PELP1: variants seen among roughly 807,000 people sequenced by gnomAD.
PELP1 encodes the protein proline-, glutamic acid- and leucine-rich protein 1.
Under a neutral mutation model 95.5 loss-of-function variants are expected in PELP1, and 32 were observed. The ratio of observed to expected loss-of-function variants is 0.34; its 90% CI spans 0.25 to 0.45. PELP1 has a LOEUF of 0.45. Among genes scored for constraint, PELP1 ranks in the 20% least tolerant of loss-of-function variants. The pLI is 1.00. For synonymous variants in PELP1, 668 were observed against 600.1 expected (o/e 1.11, Z -1.65); for missense variants, 1,358 against 1,444.8 (o/e 0.94, Z 0.97).
At chr17:4,678,763 T>C (rs1021818392) in intron 5 of PELP1, among the ~76,000 whole-genome samples, 3 of 152,226 alleles carry the variant, frequency 2.0e-5, no homozygotes, top group Non-Finnish European at 4.4e-5. Context: ...ATTGACCTCA[T>C]GGACTCAGAA....
At chr17:4,702,402 G>C (rs772039521) in intron 1 of PELP1, among the ~76,000 whole-genome samples, 12 of 152,048 alleles carry the variant, frequency 7.9e-5, no homozygotes, top group Non-Finnish European at 1.8e-4. Context: ...CTGGGTGACA[G>C]AGTAAGACCT....
At chr17:4,698,267 T>C (rs1240459702) in intron 1 of PELP1, among the ~76,000 whole-genome samples, 3 of 152,100 alleles carry the variant, frequency 2.0e-5, no homozygotes, top group Admixed American at 2.0e-4. Flanking sequence ...AAATAACTAT[T>C]CTGTACTCTT....
chr17:4,674,856 GCAGGGCCTCTC>G lies in PELP1; in HGVS notation c.1364_1374del (p.Gly455AlafsTer13). Reference sequence around the variant, plus strand: ...GAGATGTCGCTGAGCAGGTGGGTGAGCAGGGCCTCTCCAGAGGCTCCTCCCTGAAGCATTCC... The same window carrying G: ...GAGATGTCGCTGAGCAGGTGGGTGAGCAGAGGCTCCTCCCTGAAGCATTCC... On this transcript the variant is annotated frameshift_variant, in exon 12 of 17. Coordinates refer to ENST00000572293, the MANE Select transcript of PELP1 (RefSeq NM_014389.3). LOFTEE classifies it high-confidence loss of function. 1.2e-6 allele frequency: 2 copies of G among 1,613,498 alleles called. No individual in the cohort carries two copies. The highest frequency in any genetic ancestry group is 1.7e-6 in the Non-Finnish European group (2 of 1,179,764).
At chr17:4,682,040 G>C (rs1355520472) in intron 5 of PELP1, among the ~76,000 whole-genome samples, 1 of 151,922 alleles carries the variant, frequency 6.6e-6, no homozygotes, top group Admixed American at 6.6e-5. Context: ...ACACGCCTTA[G>C]TCCCAGCTAC....
Position 4,671,884 on chromosome 17 carries a change from T to G in PELP1, c.3107A>C (p.Glu1036Ala). The part of the protein sequence containing the change: ...LAPEALPSQG[E>A]VEREGESPAA... ...AGGGCTTTCCCCTTCCCTCTCCACC[T>G]CTCCCTGGGAGGGGAGCGCTTCAGG... The change falls in exon 16 of 17, where the codon GAG (glutamate) becomes GCG (alanine). Residue 1036 changes from glutamate (E) to alanine (A), a missense_variant. Around this residue, in one of 7 missense-constraint regions of PELP1, gnomAD observed 283 missense variants for 284.1 expected, o/e 1.00. Coordinates refer to ENST00000572293, the MANE Select transcript of PELP1 (RefSeq NM_014389.3). 6.6e-7 allele frequency: 1 copy of G among 1,513,116 alleles called. No homozygotes were observed. Among genetic ancestry groups the G allele is most frequent in the Non-Finnish European group, 8.8e-7 (1 of 1,134,322 alleles). The allele number at this position is 1,513,116 out of a possible 1,614,324, so 93.7% of individuals were successfully genotyped here.
At chr17:4,690,274 G>A (rs951707092) in intron 3 of PELP1, among the ~76,000 whole-genome samples, 12 of 152,092 alleles carry the variant, frequency 7.9e-5, no homozygotes, top group Non-Finnish European at 1.3e-4. Flanking sequence ...GGACTCGGGC[G>A]GAAATGTGGG....
At chr17:4,699,894 G>C (rs111522860) in intron 1 of PELP1, among the ~76,000 whole-genome samples, 5 of 89,238 alleles carry the variant, frequency 5.6e-5, no homozygotes, top group South Asian at 5.1e-4. Context: ...GCCCTAGAGG[G>C]TGATTTTTTT....
intron 3 of PELP1, among the ~76,000 whole-genome samples, chr17:4,688,195 CG>C (rs1438436394): frequency 6.6e-6 from 1 of 151,998 alleles, no homozygotes; most frequent in African/African-American, 2.4e-5. Flanking sequence ...ATTAGCCGGG[CG>C]GGGTGGCAGG....
rs1044342412 is a variant in PELP1, at chr17:4,676,176, A to G, written c.854-14T>C. 1.9e-6 allele frequency: 3 copies of G among 1,613,230 alleles called. No homozygotes were observed. Among genetic ancestry groups the G allele is most frequent in the Non-Finnish European group, 1.7e-6 (2 of 1,179,484 alleles). On this transcript the variant is annotated splice_polypyrimidine_tract_variant and intron_variant, in intron 7 of 16. Transcript: ENST00000572293. ...TCTGCACAGGAGCTGGCAGAAGCAC[A>G]ACTACCCTGTACACTGTCTTTCTTC... is the stretch of plus-strand genomic sequence containing the variant.
chr17:4,677,723 G>GT (rs1276115518), intron 5 of PELP1, among the ~76,000 whole-genome samples: 1 of 152,114 alleles, frequency 6.6e-6, no homozygotes, highest in African/African-American at 2.4e-5. Flanking sequence ...GAGCCAAGGA[G>GT]TTTGAGACCA....
intron 5 of PELP1, among the ~76,000 whole-genome samples, chr17:4,681,971 C>T (rs984196780): frequency 6.6e-6 from 1 of 152,014 alleles, no homozygotes; most frequent in Non-Finnish European, 1.5e-5. Flanking sequence ...CAAGACCAGC[C>T]TGGGTAACAT....
Position 4,675,159 on chromosome 17 carries a change from G to C in PELP1, c.1194C>G (p.Ile398Met). Residue 398 changes from isoleucine (I) to methionine (M), a missense_variant, in exon 11 of 17, where the codon ATC becomes ATG. By Grantham distance (10) the Ile-to-Met change is conservative (BLOSUM62 1). Transcript: ENST00000572293. The surrounding 1 kb of genome is among the most constrained non-coding windows in gnomAD (Gnocchi z 4.3). ...TGAGGACCTGGGGAAGCAGGCGGCC[G>C]ATCAGGATCCCAAAGCGCAAGAGCC... ...GSRLLRFGIL[I>M]GRLLPQVLNS... 1 of 1,613,808 alleles carries C rather than the reference G, an allele frequency of 6.2e-7. No homozygotes were observed. The highest frequency in any genetic ancestry group is 8.5e-7 in the Non-Finnish European group (1 of 1,179,850).
rs578073364 is a variant in PELP1, at chr17:4,677,394, A to G, written c.643-582T>C. On this transcript the variant is annotated intron_variant, in intron 5 of 16. Coordinates refer to ENST00000572293, the MANE Select transcript of PELP1 (RefSeq NM_014389.3). ...ATACAATCATAGGGGGCCTGTGATC[A>G]TGGATGGGGAAAAAAATTACTCCCA... 1.1e-4 allele frequency among the ~76,000 whole-genome samples: 16 copies of G among 152,346 alleles called. 1 individual carries two copies. In the East Asian group the frequency reaches 2.9e-3, roughly 28 times the overall value.
At chr17:4,688,193 G>A (rs532845085) in intron 3 of PELP1, among the ~76,000 whole-genome samples, 20 of 152,174 alleles carry the variant, frequency 1.3e-4, no homozygotes, top group African/African-American at 4.8e-4. Context: ...ACATTAGCCG[G>A]GCGGGGTGGC....
rs1478670081 is a variant in PELP1, at chr17:4,672,161, CCTCT to C, written c.2826_2829del (p.Glu943LysfsTer29). 6.4e-7 allele frequency: 1 copy of C among 1,552,184 alleles called. No individual in the cohort carries two copies. On this transcript the variant is annotated frameshift_variant, in exon 16 of 17. Transcript: ENST00000572293. LOFTEE classifies it high-confidence loss of function. ...TCCTCATCCTCCTCTTCTTCTTCTT[CCTCT>C]AACTCACCTTCTTCTTCCTCAAATT...
intron 3 of PELP1, among the ~76,000 whole-genome samples, chr17:4,683,786 C>T (rs1285893321): frequency 8.3e-5 from 1 of 12,024 alleles, no homozygotes; most frequent in Non-Finnish European, 1.4e-3. Flanking sequence ...CCACTTCAGA[C>T]TCCAAAGTGC....
At chr17:4,674,698 C>A (rs1262834836) in intron 12 of PELP1, 29 bp from the exon 13 acceptor site, 17 of 1,590,960 alleles carry the variant, frequency 1.1e-5, no homozygotes, top group Non-Finnish European at 1.5e-5. Context: ...TAAATCACAT[C>A]CACAGGCAAA....
chr17:4,670,066 C>T lies in PELP1; in HGVS notation c.*1373G>A, dbSNP rs900651037. ...CGCAGTTTATAGGGATAAGAGTTAA[C>T]ATGACTAAATGTTAATTGGCAAATC... is the stretch of plus-strand genomic sequence containing the variant. On this transcript the variant is annotated 3_prime_UTR_variant, in exon 17 of 17. Coordinates refer to ENST00000572293, the MANE Select transcript of PELP1 (RefSeq NM_014389.3). 3 of 152,156 alleles carry T rather than the reference C, an allele frequency of 2.0e-5. No individual in the cohort carries two copies. Among genetic ancestry groups the T allele is most frequent in the Non-Finnish European group, 4.4e-5 (3 of 68,028 alleles). The allele number at this position is 152,156 out of a possible 1,614,324, so 9.4% of individuals were successfully genotyped here. A position where few individuals can be genotyped will look rare whatever the true frequency, so the allele number is the denominator to read the frequency against.
At chr17:4,693,673 T>C (rs1315549804) in intron 1 of PELP1, among the ~76,000 whole-genome samples, 1 of 152,196 alleles carries the variant, frequency 6.6e-6, no homozygotes, top group Non-Finnish European at 1.5e-5. Flanking sequence ...ATGGATACAC[T>C]GGACAAAAGG....
Sources: gnomAD v4.1 joint callset for allele counts (sites outside exome capture counted in the v4.1 genomes callset) on GRCh38, gnomAD v4.1.1 for gene constraint, gnomAD v4.1.1 regional missense constraint, Gnocchi (gnomAD v3.1) non-coding constraint, MANE v1.5 for transcripts, NCBI Gene and HGNC (gene_info 2026-07-23, HGNC 2026-07-21) for gene names.